Variants in SLC4A10 observed in about 807,000 individuals in gnomAD.
The protein encoded by SLC4A10 is sodium-driven chloride bicarbonate exchanger.
SLC4A10 carries 42 observed loss-of-function variants against 137.7 expected under a neutral mutation model. The ratio of observed to expected loss-of-function variants is 0.30; its 90% CI spans 0.24 to 0.39. The LOEUF (loss-of-function observed/expected upper bound fraction) is 0.39. Among genes scored for constraint, SLC4A10 ranks in the 10% least tolerant of loss-of-function variants. The pLI, the probability that SLC4A10 is intolerant of heterozygous loss-of-function variation, is 1.00. For missense variants in SLC4A10, 925 were observed against 1,355.0 expected (o/e 0.68, Z 4.98); for synonymous variants, 474 against 464.1 (o/e 1.02, Z -0.27).
intron 15 of SLC4A10, among the ~76,000 whole-genome samples, chr2:161,923,827 TA>T (rs756978777): frequency 1.3e-5 from 2 of 150,340 alleles, no homozygotes; most frequent in Admixed American, 6.6e-5. Flanking sequence ...AGTATAATAA[TA>T]AAAAAAAGAA....
chr2:161,793,727 C>A (rs1421950444), intron 2 of SLC4A10, among the ~76,000 whole-genome samples: 1 of 152,030 alleles, frequency 6.6e-6, no homozygotes. Flanking sequence ...AAGCTTTTGT[C>A]TGGTCTCTGG....
chr2:161,977,765 G>A lies in SLC4A10; in HGVS notation c.*26+5G>A. ...CTAGAAGCTGATTCCCCAAAGGTAA[G>A]ACCCTCTCCCTCAAATCTATTCCTT... is the stretch of plus-strand genomic sequence containing the variant. On this transcript the variant is annotated splice_donor_5th_base_variant and intron_variant, in intron 26 of 26. Coordinates refer to ENST00000446997, the MANE Select transcript of SLC4A10 (RefSeq NM_001178015.2). The A allele has an allele frequency of 6.3e-7, 1 of 1,583,182 alleles. No individual in the cohort carries two copies. The highest frequency in any genetic ancestry group is 8.6e-7 in the Non-Finnish European group (1 of 1,168,750).
intron 25 of SLC4A10, chr2:161,977,300 G>T (rs1575971072): frequency 2.2e-6 from 1 of 448,044 alleles, no homozygotes; most frequent in Middle Eastern, 3.3e-4. Flanking sequence ...ATTTAGTATA[G>T]TTCTAGTCCT....
intron 1 of SLC4A10, among the ~76,000 whole-genome samples, chr2:161,712,171 A>C (rs1342878577): frequency 1.3e-5 from 2 of 151,906 alleles, no homozygotes; most frequent in Non-Finnish European, 1.5e-5. Flanking sequence ...ATTTACTGAC[A>C]ATAAGAATTG....
intron 1 of SLC4A10, among the ~76,000 whole-genome samples, chr2:161,721,759 G>A (rs1286003956): frequency 9.9e-5 from 15 of 152,092 alleles, no homozygotes; most frequent in African/African-American, 2.9e-4. Context: ...AATTTCCCTC[G>A]GATGATATCC....
chr2:161,878,491 CAT>C (rs2061566610), intron 8 of SLC4A10, among the ~76,000 whole-genome samples: 1 of 152,124 alleles, frequency 6.6e-6, no homozygotes, highest in Non-Finnish European at 1.5e-5. Context: ...ACAAACATCT[CAT>C]GTCAGAAATT....
At chr2:161,660,554 A>ATCTTTCTT (rs1228171819) in intron 1 of SLC4A10, among the ~76,000 whole-genome samples, 1 of 133,334 alleles carries the variant, frequency 7.5e-6, no homozygotes, top group East Asian at 2.2e-4. Flanking sequence ...GTACTCATCT[A>ATCTTTCTT]TATTTCTTTC....
intron 1 of SLC4A10, among the ~76,000 whole-genome samples, chr2:161,749,412 A>G (rs144151757): frequency 9.5e-4 from 145 of 152,162 alleles, no homozygotes; most frequent in African/African-American, 3.2e-3. Flanking sequence ...TGGACTTTTC[A>G]TAAATGGCCT....
At chr2:161,888,108 G>T (rs1014511597) in intron 10 of SLC4A10, among the ~76,000 whole-genome samples, 7 of 152,276 alleles carry the variant, frequency 4.6e-5, no homozygotes, top group African/African-American at 1.4e-4. Context: ...AGATCAGGTG[G>T]TTGTAGATAA....
At position 161,983,213 on chromosome 2, in the gene SLC4A10, G is replaced by A. The variant is rs1423231644; in HGVS notation, c.*61G>A. 4 of 1,536,612 alleles carry A rather than the reference G, an allele frequency of 2.6e-6. No homozygotes were observed. Among genetic ancestry groups the A allele is most frequent in the Non-Finnish European group, 3.5e-6 (4 of 1,147,030 alleles). On this transcript the variant is annotated 3_prime_UTR_variant, in exon 27 of 27. Transcript: ENST00000446997. ...CCGAAAAGAGAAGAAAGCTGACTCA[G>A]GGAAAGGTGTTGACAGGGAGACTTG...
chr2:161,875,745 TAG>T (rs1159861438), intron 8 of SLC4A10, among the ~76,000 whole-genome samples: 1 of 152,176 alleles, frequency 6.6e-6, no homozygotes, highest in Non-Finnish European at 1.5e-5. Context: ...TGAAACATAT[TAG>T]AGAGAGTTGT....
At chr2:161,700,927 A>G (rs1216050829) in intron 1 of SLC4A10, among the ~76,000 whole-genome samples, 1 of 152,108 alleles carries the variant, frequency 6.6e-6, no homozygotes, top group Non-Finnish European at 1.5e-5. Context: ...ATTTTAGTTT[A>G]TACAGTTTTT....
At chr2:161,928,300 C>G (rs1396056107) in intron 15 of SLC4A10, among the ~76,000 whole-genome samples, 1 of 144,644 alleles carries the variant, frequency 6.9e-6, no homozygotes, top group Non-Finnish European at 1.5e-5. Flanking sequence ...CATATTCTCA[C>G]TCATAGGCGG....
At chr2:161,911,113 A>G (rs1402187281) in intron 15 of SLC4A10, among the ~76,000 whole-genome samples, 2 of 151,960 alleles carry the variant, frequency 1.3e-5, no homozygotes, top group African/African-American at 4.8e-5. Context: ...ACATTAAGTG[A>G]TACTTAATGT....
intron 1 of SLC4A10, among the ~76,000 whole-genome samples, chr2:161,741,200 G>A (rs528536598): frequency 4.6e-4 from 69 of 150,456 alleles, no homozygotes; most frequent in African/African-American, 1.6e-3. Flanking sequence ...GGAGATGGAG[G>A]TATAGTGAGC....
At chr2:161,812,877 G>A (rs1351884789) in intron 3 of SLC4A10, among the ~76,000 whole-genome samples, 1 of 151,916 alleles carries the variant, frequency 6.6e-6, no homozygotes, top group East Asian at 1.9e-4. Context: ...TTCCTCTGTA[G>A]TTTAATGTTA....
chr2:161,853,699 T>C (rs908432575), intron 4 of SLC4A10, among the ~76,000 whole-genome samples: 3 of 150,322 alleles, frequency 2.0e-5, no homozygotes, highest in African/African-American at 4.9e-5. Flanking sequence ...AGAGATATAC[T>C]GTTGGTGATT....
intron 5 of SLC4A10, among the ~76,000 whole-genome samples, chr2:161,860,485 A>G (rs975235730): frequency 3.9e-5 from 6 of 152,188 alleles, no homozygotes; most frequent in African/African-American, 1.4e-4. Context: ...TATCATATTG[A>G]TATTCTAATA....
chr2:161,808,908 A>G (rs968922908), intron 3 of SLC4A10, among the ~76,000 whole-genome samples: 3 of 152,024 alleles, frequency 2.0e-5, no homozygotes, highest in Admixed American at 6.6e-5. Flanking sequence ...GGAATGATTC[A>G]TTTTTCTTTG....
Sources: allele counts gnomAD v4.1 joint callset (sites outside exome capture counted in the v4.1 genomes callset), GRCh38; gene constraint gnomAD v4.1.1; transcripts MANE v1.5; gene names NCBI Gene and HGNC (gene_info 2026-07-23, HGNC 2026-07-21).